The following STAT3 variants were observed in gnomAD, a reference collection of about 807,000 sequenced individuals.
STAT3 encodes DNA-binding protein APRF.
In STAT3, 7 loss-of-function variants were observed where a neutral mutation model predicts 114.3. That is an observed-to-expected ratio of 0.06 (90% confidence interval 0.03 to 0.11). The LOEUF (loss-of-function observed/expected upper bound fraction) is 0.11, where lower values mean the gene tolerates loss of function less well. Among genes scored for constraint, STAT3 ranks in the 10% least tolerant of loss-of-function variants. STAT3 has a pLI of 1.00. For synonymous variants in STAT3, 331 were observed against 354.5 expected, an observed-to-expected ratio of 0.93 and a Z score of 0.74; for missense variants, 364 against 960.9, an observed-to-expected ratio of 0.38 and a Z score of 8.21.
At position 42,333,115 on chromosome 17, in the gene STAT3, T is replaced by C. The variant is rs1346233234; in HGVS notation, c.1049+558A>G. 1.3e-5 allele frequency among the ~76,000 whole-genome samples: 2 copies of C among 152,188 alleles called. No individual in the cohort carries two copies. Among genetic ancestry groups the C allele is most frequent in the Non-Finnish European group, 2.9e-5 (2 of 68,034 alleles). On this transcript the variant is annotated intron_variant, in intron 10 of 23. Coordinates refer to ENST00000264657, the MANE Select transcript of STAT3 (RefSeq NM_139276.3). This position sits in a 1 kb window ranked among gnomAD's most constrained non-coding sequence, Gnocchi z 5.2. ...CAAAAGGATAATCAAAGCCATATAA[T>C]GAAAAATATTACAGGAACACATGCT...
In STAT3 at chr17:42,313,865, G is replaced by A. The variant is rs1035442349; in HGVS notation, c.*1880C>T. On this transcript the variant is annotated 3_prime_UTR_variant, in exon 24 of 24. Transcript: ENST00000264657. ...ATGACACATCAACTGTCTCCAGGCA[G>A]GAGGACTGGGGCGAACCCTGTTCAT... The A allele has an allele frequency of 1.7e-5, 4 of 232,786 alleles. No individual in the cohort carries two copies. Among genetic ancestry groups the A allele is most frequent in the African/African-American group, 8.8e-5 (4 of 45,290 alleles). The allele number at this position is 232,786 out of a possible 1,614,324, so 14.4% of individuals were successfully genotyped here. A position where few individuals can be genotyped will look rare whatever the true frequency, so the allele number is the denominator to read the frequency against.
rs191378671 is a variant in STAT3 at position 42,345,775 on chromosome 17, C to T, written c.274-118G>A. Reference sequence around the variant, plus strand: ...GGAAAGCATTTATTCTAGGAAACAACGGAACAAAGGCTTCAGAGCCTGGGT... The same window carrying T: ...GGAAAGCATTTATTCTAGGAAACAATGGAACAAAGGCTTCAGAGCCTGGGT... On this transcript the variant is annotated intron_variant, in intron 3 of 23. Transcript: ENST00000264657. 3,964 of 1,033,804 alleles carry T rather than the reference C, an allele frequency of 3.8e-3. 10 individuals carry two copies. The highest frequency in any genetic ancestry group is 5.2e-3 in the Non-Finnish European group (3,556 of 689,954). The allele number at this position is 1,033,804 out of a possible 1,614,324, so 64.0% of individuals were successfully genotyped here.
intron 1 of STAT3, among the ~76,000 whole-genome samples, chr17:42,378,786 G>A (rs957235380): frequency 1.3e-5 from 2 of 152,114 alleles, no homozygotes; most frequent in Admixed American, 1.3e-4. Context: ...GCTAACATTT[G>A]GGTTTTCAAG....
chr17:42,383,228 T>C (rs955367008), intron 1 of STAT3, among the ~76,000 whole-genome samples: 3 of 152,136 alleles, frequency 2.0e-5, no homozygotes, highest in African/African-American at 7.2e-5. Context: ...GGCTAATTTT[T>C]GTATTTTTAG....
rs780720013 is a variant in STAT3, at chr17:42,348,479, C to T, written c.38G>A (p.Arg13Gln). The change falls in exon 2 of 24, where the codon CGG (arginine) becomes CAG (glutamine). Residue 13 changes from arginine to glutamine, a missense_variant. Around this residue, in one of 5 missense-constraint regions of STAT3, gnomAD observed 294 missense variants for 745.1 expected, o/e 0.39. Coordinates refer to ENST00000264657, the MANE Select transcript of STAT3 (RefSeq NM_139276.3). ...QWNQLQQLDT[R>Q]YLEQLHQLYS... ...GAGCTGATGGAGCTGCTCCAGGTAC[C>T]GTGTGTCAAGCTGCTGTAGCTGATT... 7.4e-6 allele frequency: 12 copies of T among 1,613,840 alleles called. No individual in the cohort carries two copies. Among genetic ancestry groups the T allele is most frequent in the African/African-American group, 1.3e-5 (1 of 74,892 alleles).
At chr17:42,322,807 G>A (rs2081535150) in intron 20 of STAT3, among the ~76,000 whole-genome samples, 197 bp downstream of exon 20, 1 of 152,220 alleles carries the variant, frequency 6.6e-6, no homozygotes, top group Non-Finnish European at 1.5e-5. Flanking sequence ...AATAGTCACT[G>A]GAGCAAGCAA....
chr17:42,353,883 C>T (rs532137127), intron 1 of STAT3, among the ~76,000 whole-genome samples: 1 of 152,204 alleles, frequency 6.6e-6, no homozygotes, highest in South Asian at 2.1e-4. Flanking sequence ...CAAAAATAGA[C>T]TATTTAATTA....
At chr17:42,358,096 A>T (rs1204696708) in intron 1 of STAT3, among the ~76,000 whole-genome samples, 1 of 152,162 alleles carries the variant, frequency 6.6e-6, no homozygotes, top group Non-Finnish European at 1.5e-5. Context: ...GTTCCCTACT[A>T]ATATGACAAA....
chr17:42,325,212 A>G (rs2081653622), intron 15 of STAT3, 151 bp from the exon 16 acceptor site: 2 of 683,980 alleles, frequency 2.9e-6, no homozygotes, highest in Admixed American at 2.4e-5. Context: ...TGAGTGAGTC[A>G]GCTCAGTGAG....
chr17:42,365,395 C>T (rs1021128494), intron 1 of STAT3, among the ~76,000 whole-genome samples: 2 of 152,118 alleles, frequency 1.3e-5, no homozygotes, highest in Non-Finnish European at 2.9e-5. Context: ...TCAGTGAGAC[C>T]TCAGACATCG....
chr17:42,378,163 AT>A (rs1376649479), intron 1 of STAT3, among the ~76,000 whole-genome samples: 1 of 147,002 alleles, frequency 6.8e-6, no homozygotes, highest in Non-Finnish European at 1.5e-5. Flanking sequence ...ATTATTCTTA[AT>A]CAGTTGATTA....
intron 21 of STAT3, 42 bp from the exon 22 acceptor site, chr17:42,317,266 G>T (rs773161256): frequency 6.2e-6 from 10 of 1,605,312 alleles, no homozygotes; most frequent in Middle Eastern, 1.7e-4. Flanking sequence ...CTGTGACTTC[G>T]CATTCAGTAA....
intron 2 of STAT3, among the ~76,000 whole-genome samples, chr17:42,347,537 C>T (rs1295974828): frequency 6.6e-6 from 1 of 152,172 alleles, no homozygotes; most frequent in Non-Finnish European, 1.5e-5. Flanking sequence ...GTGCCATTAT[C>T]TGCTCTATGA....
chr17:42,348,264 CATT>C, intron 2 of STAT3, 122 bp downstream of exon 2: 4 of 1,394,482 alleles, frequency 2.9e-6, no homozygotes, highest in Non-Finnish European at 4.0e-6. Context: ...CTCCTGATCT[CATT>C]TTCCCCATCA....
chr17:42,376,217 G>GA (rs2084450280), intron 1 of STAT3, among the ~76,000 whole-genome samples: 1 of 152,064 alleles, frequency 6.6e-6, no homozygotes, highest in South Asian at 2.1e-4. Context: ...TCTCAAAAAT[G>GA]AAAGAAGGGA....
rs1016303294 is a variant in STAT3, at chr17:42,337,226, C to T, written c.797+209G>A. On this transcript the variant is annotated intron_variant, in intron 8 of 23. Transcript: ENST00000264657. This position sits in a 1 kb window ranked among gnomAD's most constrained non-coding sequence, Gnocchi z 4.0. ...CAAACTCCTGACCTCAAGTGATCCG[C>T]CCATCTTGGTCTCCCAAAGTGCTGG... Among the ~76,000 whole-genome samples, 2 of 152,160 alleles carry T rather than the reference C, an allele frequency of 1.3e-5. No homozygotes were observed. The highest frequency in any genetic ancestry group is 2.9e-5 in the Non-Finnish European group (2 of 68,020).
intron 23 of STAT3, 83 bp from the exon 24 acceptor site, chr17:42,315,883 G>A: frequency 6.2e-7 from 1 of 1,610,224 alleles, no homozygotes. Flanking sequence ...TCAGAGGACA[G>A]GGCCCAGGCT....
intron 1 of STAT3, among the ~76,000 whole-genome samples, chr17:42,370,332 G>A (rs1211649821): frequency 3.4e-5 from 5 of 146,708 alleles, no homozygotes; most frequent in Non-Finnish European, 7.5e-5. Context: ...TGCAACCTCC[G>A]CCTCCCAGGT....
In STAT3 at chr17:42,339,419, A is replaced by C; in HGVS notation, c.373-10T>G. The C allele has an allele frequency of 6.2e-7, 1 of 1,613,896 alleles. No individual in the cohort carries two copies. On this transcript the variant is annotated splice_polypyrimidine_tract_variant and intron_variant, in intron 4 of 23. Transcript: ENST00000264657. ...TGGCCTGGCCCCCTTGCTGCCAAAA[A>C]GGAGGTCAATGCACATGTGAACACA...
Sources: allele counts gnomAD v4.1 joint callset (sites outside exome capture counted in the v4.1 genomes callset), GRCh38; gene constraint gnomAD v4.1.1; regional missense constraint gnomAD v4.1.1; non-coding constraint Gnocchi (gnomAD v3.1); transcripts MANE v1.5; gene names NCBI Gene and HGNC (gene_info 2026-07-23, HGNC 2026-07-21).